The following FOXP2 variants were observed in gnomAD, a reference collection of about 807,000 sequenced individuals.
FOXP2 encodes the protein forkhead box protein P2.
Under a neutral mutation model 115.8 loss-of-function variants are expected in FOXP2, and 12 were observed. That is an observed-to-expected ratio of 0.10 (90% confidence interval 0.07 to 0.17). The LOEUF (loss-of-function observed/expected upper bound fraction) is 0.17, where lower values mean the gene tolerates loss of function less well. Among genes scored for constraint, FOXP2 ranks in the 10% least tolerant of loss-of-function variants. The pLI, the probability that FOXP2 is intolerant of heterozygous loss-of-function variation, is 1.00. For synonymous variants in FOXP2, 328 were observed against 297.7 expected (o/e 1.10, Z -1.05); for missense variants, 629 against 843.5 (o/e 0.75, Z 3.15).
chr7:114,446,902 A>C (rs900839711), intron 2 of FOXP2, among the ~76,000 whole-genome samples: 1 of 151,620 alleles, frequency 6.6e-6, no homozygotes, highest in Non-Finnish European at 1.5e-5. Flanking sequence ...GCACATGCCA[A>C]CACACCTGGC....
intron 3 of FOXP2, among the ~76,000 whole-genome samples, chr7:114,556,475 C>T (rs114559468): frequency 4.6e-5 from 7 of 152,120 alleles, no homozygotes; most frequent in Admixed American, 2.0e-4. Flanking sequence ...ATTGCTCCCC[C>T]CTAAGGAGTA....
intron 2 of FOXP2, among the ~76,000 whole-genome samples, chr7:114,323,449 G>A (rs1408108091): frequency 6.6e-6 from 1 of 151,924 alleles, no homozygotes; most frequent in Non-Finnish European, 1.5e-5. Flanking sequence ...GAGAGAGGGA[G>A]GATGCATTAA....
At chr7:114,311,194 A>G (rs953574139) in intron 2 of FOXP2, among the ~76,000 whole-genome samples, 2 of 152,094 alleles carry the variant, frequency 1.3e-5, no homozygotes, top group African/African-American at 4.8e-5. Flanking sequence ...CATTCCTGAT[A>G]TGTGTCTGTC....
chr7:114,588,635 G>A (rs1802275130), intron 3 of FOXP2, among the ~76,000 whole-genome samples: 1 of 152,102 alleles, frequency 6.6e-6, no homozygotes, highest in Non-Finnish European at 1.5e-5. Flanking sequence ...TTTGTCTTTA[G>A]AGAGATATCC....
intron 2 of FOXP2, among the ~76,000 whole-genome samples, chr7:114,429,546 A>G (rs536957053): frequency 9.9e-5 from 15 of 151,636 alleles, no homozygotes; most frequent in Non-Finnish European, 3.0e-5. Context: ...TTAGATGTAG[A>G]ATTTTATTTT....
At position 114,495,483 on chromosome 7, in the gene FOXP2, C is replaced by CTTTTTTTTTTTTTTT. The variant is rs35933398; in HGVS notation, c.169-39118_169-39104dup. Among the ~76,000 whole-genome samples, 91 of 61,470 alleles carry CTTTTTTTTTTTTTTT rather than the reference C, an allele frequency of 1.5e-3. 1 individual carries two copies. Among genetic ancestry groups the CTTTTTTTTTTTTTTT allele is most frequent in the Non-Finnish European group, 1.8e-3 (61 of 34,738 alleles). The allele number at this position is 61,470 out of a possible 152,430, so 40.3% of individuals were successfully genotyped here. ...TTCTTTGTTTTTTCTTTCTCTCTCT[C>CTTTTTTTTTTTTTTT]TTTTTTTTTTTTTTTTTTTTTTTTT... On this transcript the variant is annotated intron_variant, in intron 2 of 16. Transcript: ENST00000350908.
At chr7:114,380,320 A>G (rs538440577) in intron 2 of FOXP2, among the ~76,000 whole-genome samples, 96 of 152,214 alleles carry the variant, frequency 6.3e-4, no homozygotes, top group South Asian at 2.3e-3. Flanking sequence ...ATATTTACCC[A>G]TTTTCCTTCT....
chr7:114,419,186 G>C (rs1381558236), intron 1 of FOXP2, among the ~76,000 whole-genome samples: 1 of 151,678 alleles, frequency 6.6e-6, no homozygotes, highest in Non-Finnish European at 1.5e-5. Context: ...GTCAAATTTT[G>C]ATAATCTATG....
At position 114,347,270 on chromosome 7, in the gene FOXP2, CATGT is replaced by C. The variant is rs536379277; in HGVS notation, c.-11+59178_-11+59181del. On this transcript the variant is annotated intron_variant, in intron 2 of 17. Coordinates refer to the FOXP2 transcript ENST00000634411. ...GGGGCTTCCTTTGAAGGATAAGGTA[CATGT>C]ATGTATGTATGTATGTGTATCCATA... 5.9e-5 allele frequency among the ~76,000 whole-genome samples: 9 copies of C among 151,774 alleles called. No homozygotes were observed. In the South Asian group the frequency reaches 6.2e-4, roughly 10 times the overall value.
intron 2 of FOXP2, among the ~76,000 whole-genome samples, chr7:114,404,084 A>G (rs549738830): frequency 1.3e-5 from 2 of 152,166 alleles, no homozygotes; most frequent in African/African-American, 4.8e-5. Context: ...ATGGCTTACC[A>G]TTCATTAAAT....
At chr7:114,220,390 A>C (rs1307387248) in intron 1 of FOXP2, among the ~76,000 whole-genome samples, 9 of 152,190 alleles carry the variant, frequency 5.9e-5, no homozygotes, top group Admixed American at 3.9e-4. Flanking sequence ...TGGATTCATG[A>C]CTGGAATCAT....
At chr7:114,620,331 C>A (rs1804180941) in intron 3 of FOXP2, among the ~76,000 whole-genome samples, 1 of 152,068 alleles carries the variant, frequency 6.6e-6, no homozygotes, top group South Asian at 2.1e-4. Flanking sequence ...CACATGCAAT[C>A]TGATTATTCT....
chr7:114,688,291 G>T (rs1365927094), intron 16 of FOXP2, among the ~76,000 whole-genome samples: 1 of 145,838 alleles, frequency 6.9e-6, no homozygotes, highest in Non-Finnish European at 1.5e-5. Context: ...AACATGCCTG[G>T]TTCAAACTAG....
intron 1 of FOXP2, among the ~76,000 whole-genome samples, chr7:114,171,509 G>A (rs750243360): frequency 6.6e-6 from 1 of 152,144 alleles, no homozygotes; most frequent in Non-Finnish European, 1.5e-5. Flanking sequence ...GGAGGTGGAG[G>A]CTGCAGTTGA....
chr7:114,480,005 T>C (rs1417355040), intron 2 of FOXP2, among the ~76,000 whole-genome samples: 1 of 151,396 alleles, frequency 6.6e-6, no homozygotes, highest in African/African-American at 2.4e-5. Flanking sequence ...TTCTATAATA[T>C]TTGCCACAGA....
intron 2 of FOXP2, among the ~76,000 whole-genome samples, chr7:114,478,418 GTAAT>G: frequency 6.6e-6 from 1 of 151,962 alleles, no homozygotes; most frequent in Admixed American, 6.6e-5. Flanking sequence ...TAAGGAATGA[GTAAT>G]TATTTATTAT....
intron 1 of FOXP2, among the ~76,000 whole-genome samples, chr7:114,209,899 T>A (rs1365954343): frequency 6.6e-6 from 1 of 152,218 alleles, no homozygotes; most frequent in African/African-American, 2.4e-5. Context: ...GCTCTGAGAT[T>A]CTTTCCTCTG....
intron 2 of FOXP2, among the ~76,000 whole-genome samples, chr7:114,394,922 G>A (rs1792701833): frequency 6.6e-6 from 1 of 152,182 alleles, no homozygotes; most frequent in African/African-American, 2.4e-5. Flanking sequence ...AAACTTGAAA[G>A]GAGGCTGAGC....
At chr7:114,664,240 G>A in intron 15 of FOXP2, 33 bp from the exon 16 acceptor site, 1 of 1,609,926 alleles carries the variant, frequency 6.2e-7, no homozygotes, top group Non-Finnish European at 8.5e-7. Context: ...ATGCCATTTT[G>A]AAAGTTGTTT....
Sources: gnomAD v4.1 joint callset for allele counts (sites outside exome capture counted in the v4.1 genomes callset) on GRCh38, gnomAD v4.1.1 for gene constraint, MANE v1.5 for transcripts, NCBI Gene and HGNC (gene_info 2026-07-23, HGNC 2026-07-21) for gene names.